Variants in PCDH18 observed in about 807,000 individuals in gnomAD.
The protein encoded by PCDH18 is protocadherin-18.
A neutral mutation model predicts 71.5 loss-of-function variants in PCDH18; 38 were observed. That is an observed-to-expected ratio of 0.53 (90% CI 0.41 to 0.70). The LOEUF (loss-of-function observed/expected upper bound fraction) is 0.70. Among genes scored for constraint, PCDH18 ranks in the 30% least tolerant of loss-of-function variants. The pLI, the probability that PCDH18 is intolerant of heterozygous loss-of-function variation, is 0.00. For missense variants in PCDH18, 1,334 were observed against 1,384.6 expected (o/e 0.96, Z 0.58); for synonymous variants, 565 against 505.4 (o/e 1.12, Z -1.58).
rs1423160070 is a variant in PCDH18, at chr4:137,529,160, G to A, written c.2488-340C>T. On this transcript the variant is annotated intron_variant, in intron 1 of 3. Transcript: ENST00000344876. The stretch of plus-strand genomic sequence containing the variant: ...ATACTGTAAAATACAACACTGCAAT[G>A]CATGTAGTTTAAAAAATGTCAGGAA... 25 of 286,168 alleles carry A rather than the reference G, an allele frequency of 8.7e-5. No individual in the cohort carries two copies. In the Admixed American group the frequency reaches 1.2e-3, roughly 13 times the overall value. The allele number at this position is 286,168 out of a possible 1,614,324, so 17.7% of individuals were successfully genotyped here.
rs536342580 is a variant in PCDH18 at position 137,526,931 on chromosome 4, C to G, written c.2740+1547G>C. Reference sequence around the variant, plus strand: ...GCCTGATTTGAGATGCATTTTCTAACCTTTATAACTTTCAGTTTCCAAATC... The same window carrying G: ...GCCTGATTTGAGATGCATTTTCTAAGCTTTATAACTTTCAGTTTCCAAATC... On this transcript the variant is annotated intron_variant, in intron 3 of 3. Transcript: ENST00000344876. Among the ~76,000 whole-genome samples the G allele has an allele frequency of 3.1e-4, 45 of 147,450 alleles. No individual in the cohort carries two copies. The South Asian group carries it at 9.2e-3, about 30-fold the overall frequency.
rs763377137 is a variant in PCDH18, at chr4:137,519,276, A to T, written c.*1753T>A. 17 of 152,174 alleles carry T rather than the reference A, an allele frequency of 1.1e-4. No homozygotes were observed. The highest frequency in any genetic ancestry group is 2.5e-4 in the Non-Finnish European group (17 of 68,028). 9.4% of individuals were successfully genotyped at this position (152,174 alleles called of 1,614,324 possible). On this transcript the variant is annotated 3_prime_UTR_variant, in exon 4 of 4. Transcript: ENST00000344876. The stretch of plus-strand genomic sequence containing the variant: ...ATTTTAGTCACTTTTCAGTTACTTA[A>T]CTTTCCCAGTGTTTCAATTCCTGAC...
rs149927636 is a variant in PCDH18, at chr4:137,527,835, G to A, written c.2740+643C>T. On this transcript the variant is annotated intron_variant, in intron 3 of 3. Transcript: ENST00000344876. ...AGGAACTCCAAGGAAAACGTGGTTCGAAACTTAATAGCATCTCTTCTATCT... is the reference window on the plus strand; with the variant it reads ...AGGAACTCCAAGGAAAACGTGGTTCAAAACTTAATAGCATCTCTTCTATCT... Among the ~76,000 whole-genome samples, 83 of 152,262 alleles carry A rather than the reference G, an allele frequency of 5.5e-4. No homozygotes were observed. In the East Asian group the frequency reaches 9.8e-3, roughly 18 times the overall value.
chr4:137,526,373 A>G (rs138892164), intron 3 of PCDH18, among the ~76,000 whole-genome samples: 1 of 152,246 alleles, frequency 6.6e-6, no homozygotes, highest in African/African-American at 2.4e-5. Context: ...TTTCTGTTTA[A>G]TGAAATGAAA....
At position 137,529,966 on chromosome 4, in the gene PCDH18, G is replaced by A; in HGVS notation, c.2123C>T (p.Ala708Val). 6.2e-7 allele frequency: 1 copy of A among 1,613,720 alleles called. No homozygotes were observed. The highest frequency in any genetic ancestry group is 8.5e-7 in the Non-Finnish European group (1 of 1,179,754). Residue 708 changes from alanine to valine, a missense_variant, in exon 1 of 4, where the codon GCA (alanine) becomes GTA (valine). Physicochemically the swap from Ala to Val is moderately conservative, Grantham distance 64. Transcript: ENST00000344876. ...AATAACCAGCAACACTGCACAAATT[G>A]CTCCTAAGGAAATAATTATTATCAT... ...VSMIIIISLGAICAVLLVIMV... is the reference protein window; with the variant it reads ...VSMIIIISLGVICAVLLVIMV...
At chr4:137,528,874 C>T (rs1254978169) in intron 1 of PCDH18, 54 bp from the exon 2 acceptor site, 2 of 1,196,762 alleles carry the variant, frequency 1.7e-6, no homozygotes, top group Non-Finnish European at 2.5e-6. Flanking sequence ...CAAACACTCA[C>T]AATCTTTAAG....
Position 137,530,870 on chromosome 4 carries a change from G to C in PCDH18, c.1219C>G (p.Leu407Val). ...TAATTGTTTTCATATGTCTTCTGAAGTTTAAAGTGACCATGTCCATGAAGC... is the reference window on the plus strand; with the variant it reads ...TAATTGTTTTCATATGTCTTCTGAACTTTAAAGTGACCATGTCCATGAAGC... ...CKLHGHGHFK[L>V]QKTYENNYLI... The change falls in exon 1 of 4, where the codon CTT becomes GTT. Residue 407 changes from leucine (L) to valine (V), a missense_variant. Leu to Val is a conservative substitution (Grantham distance 32, BLOSUM62 1). Around this residue, in one of 3 missense-constraint regions of PCDH18, gnomAD observed 1,011 missense variants for 1,048.0 expected, o/e 0.96. Transcript: ENST00000344876. 1 of 1,611,360 alleles carries C rather than the reference G, an allele frequency of 6.2e-7. No individual in the cohort carries two copies. Among genetic ancestry groups the C allele is most frequent in the Non-Finnish European group, 8.5e-7 (1 of 1,178,652 alleles).
In PCDH18 at chr4:137,528,470, C is replaced by T. The variant is rs764049861; in HGVS notation, c.2740+8G>A. 2 of 1,612,572 alleles carry T rather than the reference C, an allele frequency of 1.2e-6. No individual in the cohort carries two copies. The highest frequency in any genetic ancestry group is 1.3e-5 in the African/African-American group (1 of 74,944). ...GAAAATAAAGATTTTCTATCACTAC[C>T]CTCTTACCTGCTGGAATTCTTCCAT... is the stretch of plus-strand genomic sequence containing the variant. On this transcript the variant is annotated splice_region_variant and intron_variant, in intron 3 of 3. Coordinates refer to ENST00000344876, the MANE Select transcript of PCDH18 (RefSeq NM_019035.5).
At position 137,530,419 on chromosome 4, in the gene PCDH18, A is replaced by G; in HGVS notation, c.1670T>C (p.Val557Ala). The G allele has an allele frequency of 6.2e-7, 1 of 1,614,116 alleles. No individual in the cohort carries two copies. Among genetic ancestry groups the G allele is most frequent in the Non-Finnish European group, 8.5e-7 (1 of 1,179,988 alleles). ...ARDGGSPKQL[V>A]SNTTVVLTII... ...GGTGAGCACAACTGTGGTATTGCTT[A>G]CCAGTTGCTTCGGGCTTCCTCCATC... The change falls in exon 1 of 4, where the codon GTA becomes GCA. Residue 557 changes from valine to alanine, a missense_variant. Val to Ala is a moderately conservative substitution (Grantham distance 64, BLOSUM62 0). Around this residue, in one of 3 missense-constraint regions of PCDH18, gnomAD observed 1,011 missense variants for 1,048.0 expected, o/e 0.96. Transcript: ENST00000344876.
In PCDH18 at chr4:137,529,871, C is replaced by T. The variant is rs903210960; in HGVS notation, c.2218G>A (p.Glu740Lys). The change falls in exon 1 of 4, where the codon GAA (glutamate) becomes AAA (lysine). Residue 740 changes from glutamate (E) to lysine (K), a missense_variant. By Grantham distance (56) the Glu-to-Lys change is moderately conservative. Coordinates refer to ENST00000344876, the MANE Select transcript of PCDH18 (RefSeq NM_019035.5). ...TTTGGGTGGTGCTGGTAAGTTGATT[C>T]GGCCACCCTGCAGTTATAGGATCTA... ...DTRSYNCRVA[E>K]STYQHHPKRP... 6.2e-6 allele frequency: 10 copies of T among 1,613,362 alleles called. No homozygotes were observed. Among genetic ancestry groups the T allele is most frequent in the Non-Finnish European group, 7.6e-6 (9 of 1,179,688 alleles).
At position 137,532,057 on chromosome 4, in the gene PCDH18, C is replaced by G. The variant is rs1278400440; in HGVS notation, c.32G>C (p.Arg11Thr). MHQMNAKMHF[R>T]FVFALLIVSF... ...TACTATCAGAAGTGCAAAAACAAAC[C>G]TAAAGTGCATTTTAGCATTCATTTG... Residue 11 changes from arginine to threonine, a missense_variant, in exon 1 of 4, where the codon AGG becomes ACG. Transcript: ENST00000344876. 3 of 1,611,056 alleles carry G rather than the reference C, an allele frequency of 1.9e-6. 1 individual carries two copies. The South Asian group carries it at 3.3e-5, about 18-fold the overall frequency.
In PCDH18 at chr4:137,521,185, T is replaced by C. The variant is rs1438693552; in HGVS notation, c.3252A>G (p.Lys1084=). 1 of 1,614,072 alleles carries C rather than the reference T, an allele frequency of 6.2e-7. No individual in the cohort carries two copies. Among genetic ancestry groups the C allele is most frequent in the Non-Finnish European group, 8.5e-7 (1 of 1,180,030 alleles). ...GGATCTCCTCCATGGCTGGCAGCCA[T>C]TTTGAAGAAGGCTGCACACTGGAGT... The part of the protein sequence containing the change: ...GTHSSVQPSS[K]WLPAMEEIPE... Residue 1084 remains lysine (K), a synonymous_variant, in exon 4 of 4, where the codon AAA becomes AAG. Transcript: ENST00000344876.
intron 3 of PCDH18, 24 bp from the exon 4 acceptor site, chr4:137,521,720 G>A (rs1731309318): frequency 1.9e-6 from 3 of 1,552,616 alleles, no homozygotes; most frequent in Non-Finnish European, 2.6e-6. Flanking sequence ...AAACAGTGGG[G>A]ATTCATTATT....
In PCDH18 at chr4:137,529,647, T is replaced by C. The variant is rs745853647; in HGVS notation, c.2442A>G (p.Pro814=). The change falls in exon 1 of 4, where the codon CCA becomes CCG. Residue 814 remains proline, a synonymous_variant. Coordinates refer to ENST00000344876, the MANE Select transcript of PCDH18 (RefSeq NM_019035.5). ...GGGTGAGTTCTAATGAGAAATTCTCTGGCACGTGGTTTGATGAGATTGTCA... is the reference window on the plus strand; with the variant it reads ...GGGTGAGTTCTAATGAGAAATTCTCCGGCACGTGGTTTGATGAGATTGTCA... ...SLVTISSNHV[P]ENFSLELTHA... 6.2e-7 allele frequency: 1 copy of C among 1,612,984 alleles called. No homozygotes were observed. The highest frequency in any genetic ancestry group is 2.2e-5 in the East Asian group (1 of 44,864).
Position 137,531,208 on chromosome 4 carries a change from A to G in PCDH18, c.881T>C (p.Met294Thr), listed in dbSNP as rs566672603. ...TTCAGAATCAATTTTAAAAGTCTCCATAATTTTGGGAGACACATGACTGCT... is the reference window on the plus strand; with the variant it reads ...TTCAGAATCAATTTTAAAAGTCTCCGTAATTTTGGGAGACACATGACTGCT... ...SFSSHVSPKIMETFKIDSERG... is the reference protein window; with the variant it reads ...SFSSHVSPKITETFKIDSERG... The change falls in exon 1 of 4, where the codon ATG becomes ACG. Residue 294 changes from methionine to threonine, a missense_variant. By Grantham distance (81) the Met-to-Thr change is moderately conservative. Transcript: ENST00000344876. The G allele has an allele frequency of 3.1e-6, 5 of 1,612,076 alleles. No individual in the cohort carries two copies. The highest frequency in any genetic ancestry group is 1.7e-5 in the Admixed American group (1 of 59,662).
chr4:137,521,224 C>T lies in PCDH18; in HGVS notation c.3213G>A (p.Pro1071=), dbSNP rs774181850. 1 of 1,613,736 alleles carries T rather than the reference C, an allele frequency of 6.2e-7. No homozygotes were observed. The highest frequency in any genetic ancestry group is 8.5e-7 in the Non-Finnish European group (1 of 1,179,676). Residue 1071 remains proline, a synonymous_variant, in exon 4 of 4, where the codon CCG becomes CCA. Transcript: ENST00000344876. ...HFQNPTTNCG[P]PLGTHSSVQP... ...GCACACTGGAGTGAGTTCCAAGTGG[C>T]GGCCCACAGTTGGTGGTGGGATTTT...
In PCDH18 at chr4:137,531,366, G is replaced by A; in HGVS notation, c.723C>T (p.Asp241=). The change falls in exon 1 of 4, where the codon GAC becomes GAT. Residue 241 remains aspartate, a synonymous_variant. Coordinates refer to ENST00000344876, the MANE Select transcript of PCDH18 (RefSeq NM_019035.5). ...ILKISISDSN[D]NSPAFEQQSY... is the part of the protein sequence containing the mutation. Reference sequence around the variant, plus strand: ...ATTGCTGCTCAAAAGCAGGGCTGTTGTCATTGGAGTCTGAAATGCTTATTT... The same window carrying A: ...ATTGCTGCTCAAAAGCAGGGCTGTTATCATTGGAGTCTGAAATGCTTATTT... The A allele has an allele frequency of 6.2e-7, 1 of 1,613,580 alleles. No homozygotes were observed. The highest frequency in any genetic ancestry group is 8.5e-7 in the Non-Finnish European group (1 of 1,179,850).
chr4:137,524,075 A>G (rs1321481753), intron 3 of PCDH18, among the ~76,000 whole-genome samples: 4 of 152,080 alleles, frequency 2.6e-5, no homozygotes, highest in Non-Finnish European at 5.9e-5. Flanking sequence ...AGTGCCACAA[A>G]TGTTCCATAC....
At position 137,518,999 on chromosome 4, in the gene PCDH18, T is replaced by C. The variant is rs1731212863; in HGVS notation, c.*2030A>G. On this transcript the variant is annotated 3_prime_UTR_variant, in exon 4 of 4. Coordinates refer to ENST00000344876, the MANE Select transcript of PCDH18 (RefSeq NM_019035.5). ...TTTTCAGCATAGCTTCCCATATTAC[T>C]GCTGGTGCTTTAAATTAAGAACAGT... The C allele has an allele frequency of 6.6e-6, 1 of 152,244 alleles. No individual in the cohort carries two copies. The highest frequency in any genetic ancestry group is 6.5e-5 in the Admixed American group (1 of 15,284). 9.4% of individuals were successfully genotyped at this position (152,244 alleles called of 1,614,324 possible). A position where few individuals can be genotyped will look rare whatever the true frequency, so the allele number is the denominator to read the frequency against.
Sources: gnomAD v4.1 joint callset for allele counts (sites outside exome capture counted in the v4.1 genomes callset) on GRCh38, gnomAD v4.1.1 for gene constraint, gnomAD v4.1.1 regional missense constraint, MANE v1.5 for transcripts, NCBI Gene and HGNC (gene_info 2026-07-23, HGNC 2026-07-21) for gene names.